Variants in UNC5D observed in about 807,000 individuals in gnomAD.
The protein encoded by UNC5D is unc-5 netrin receptor D, also known as netrin receptor UNC5D.
In UNC5D, 39 loss-of-function variants were observed where a neutral mutation model predicts 105.4. The observed-to-expected ratio is 0.37, with a 90% CI of 0.29 to 0.48. The LOEUF is 0.48. UNC5D is among the 20% of genes least tolerant of loss of function. The pLI is 0.98. For missense variants in UNC5D, 991 were observed against 1,202.4 expected, an observed-to-expected ratio of 0.82 and a Z score of 2.60; for synonymous variants, 452 against 450.4, an observed-to-expected ratio of 1.00 and a Z score of -0.04.
chr8:35,770,766 T>C lies in UNC5D; in HGVS notation c.2479-3533T>C, dbSNP rs74880945. The stretch of plus-strand genomic sequence containing the variant: ...AACAACTTGAAGGAATCTTGCATGT[T>C]ACAATTTTCCCTTCAAGCAGTTCTC... On this transcript the variant is annotated intron_variant, in intron 15 of 16. Transcript: ENST00000404895. 0.011 allele frequency among the ~76,000 whole-genome samples: 1,709 copies of C among 152,290 alleles called. 112 individuals carry two copies. In the East Asian group the frequency reaches 0.16, roughly 14 times the overall value.
intron 1 of UNC5D, among the ~76,000 whole-genome samples, chr8:35,501,717 A>G (rs1021745808): frequency 6.6e-6 from 1 of 152,054 alleles, no homozygotes; most frequent in African/African-American, 2.4e-5. Flanking sequence ...CAGTTACCCC[A>G]CTCTTACCAT....
intron 1 of UNC5D, among the ~76,000 whole-genome samples, chr8:35,265,654 A>G (rs1349303777): frequency 6.6e-6 from 1 of 152,082 alleles, no homozygotes; most frequent in East Asian, 1.9e-4. Context: ...GCGGATCACC[A>G]GGTCAGGAGA....
chr8:35,394,218 A>T (rs1225735849), intron 1 of UNC5D, among the ~76,000 whole-genome samples: 4 of 152,202 alleles, frequency 2.6e-5, no homozygotes, highest in Non-Finnish European at 2.9e-5. Flanking sequence ...AAAAATTAGA[A>T]ATAACCTAAA....
intron 8 of UNC5D, among the ~76,000 whole-genome samples, chr8:35,719,039 G>A (rs761022462): frequency 6.6e-6 from 1 of 152,068 alleles, no homozygotes; most frequent in Non-Finnish European, 1.5e-5. Context: ...ATTCTCCCAG[G>A]AATGAGGGGC....
chr8:35,422,658 T>C (rs1356849827), intron 1 of UNC5D, among the ~76,000 whole-genome samples: 2 of 152,182 alleles, frequency 1.3e-5, no homozygotes, highest in African/African-American at 4.8e-5. Context: ...ACATGAAAAT[T>C]TGGACATGGT....
chr8:35,346,749 G>C (rs950380691), intron 1 of UNC5D, among the ~76,000 whole-genome samples: 1 of 151,970 alleles, frequency 6.6e-6, no homozygotes, highest in Non-Finnish European at 1.5e-5. Context: ...GTAGATAGTA[G>C]TGTGTCACTA....
chr8:35,728,782 A>G (rs1376537360), intron 10 of UNC5D, among the ~76,000 whole-genome samples: 3 of 152,240 alleles, frequency 2.0e-5, no homozygotes, highest in African/African-American at 7.2e-5. Flanking sequence ...TTCCAAATAT[A>G]AAACAGGAAG....
At chr8:35,430,333 G>A (rs941164584) in intron 1 of UNC5D, among the ~76,000 whole-genome samples, 7 of 152,054 alleles carry the variant, frequency 4.6e-5, no homozygotes, top group African/African-American at 1.7e-4. Flanking sequence ...CACCCTGAGA[G>A]GGCATGGAAA....
At chr8:35,727,927 C>G (rs772057000) in intron 10 of UNC5D, 1 of 151,768 alleles carries the variant, frequency 6.6e-6, no homozygotes, top group East Asian at 1.9e-4. Context: ...CCCTAAAGAA[C>G]ACGACGTGTC....
intron 4 of UNC5D, among the ~76,000 whole-genome samples, chr8:35,670,125 TATTA>T (rs1373942687): frequency 6.6e-6 from 1 of 152,044 alleles, no homozygotes; most frequent in Non-Finnish European, 1.5e-5. Context: ...GAATATATGG[TATTA>T]TAAAAACAGG....
At chr8:35,247,431 T>C (rs1282739145) in intron 1 of UNC5D, among the ~76,000 whole-genome samples, 1 of 145,576 alleles carries the variant, frequency 6.9e-6, no homozygotes, top group African/African-American at 2.5e-5. Flanking sequence ...AATCTTAAGC[T>C]TTTGTTCCAG....
chr8:35,421,406 A>C (rs1025819805), intron 1 of UNC5D, among the ~76,000 whole-genome samples: 5 of 152,176 alleles, frequency 3.3e-5, no homozygotes, highest in African/African-American at 1.2e-4. Context: ...TGGGGAATAA[A>C]CATGATTTAT....
At chr8:35,271,362 C>T (rs112016934) in intron 1 of UNC5D, among the ~76,000 whole-genome samples, 12 of 127,052 alleles carry the variant, frequency 9.4e-5, no homozygotes, top group South Asian at 7.2e-4. Context: ...TGCATACACA[C>T]GTGCACGTGT....
At chr8:35,545,902 A>G (rs1028255504) in intron 1 of UNC5D, among the ~76,000 whole-genome samples, 3 of 151,300 alleles carry the variant, frequency 2.0e-5, no homozygotes, top group African/African-American at 7.3e-5. Flanking sequence ...TTCTTTATTT[A>G]TTTTTGAAAT....
chr8:35,276,913 G>T (rs1043017406), intron 1 of UNC5D, among the ~76,000 whole-genome samples: 10 of 152,132 alleles, frequency 6.6e-5, no homozygotes, highest in Non-Finnish European at 1.5e-4. Flanking sequence ...ACAAAATAAG[G>T]TTTATCACCC....
At chr8:35,507,921 T>A (rs1056316601) in intron 1 of UNC5D, among the ~76,000 whole-genome samples, 2 of 152,084 alleles carry the variant, frequency 1.3e-5, no homozygotes, top group East Asian at 1.9e-4. Flanking sequence ...ATTATTTTTT[T>A]AAAAAAATTA....
intron 1 of UNC5D, among the ~76,000 whole-genome samples, chr8:35,387,131 G>T (rs1449917240): frequency 4.0e-5 from 6 of 151,676 alleles, no homozygotes; most frequent in Non-Finnish European, 8.8e-5. Context: ...GAGGCCGAGG[G>T]GGGCAGATCA....
At chr8:35,512,958 G>C (rs1325498689) in intron 1 of UNC5D, among the ~76,000 whole-genome samples, 3 of 151,880 alleles carry the variant, frequency 2.0e-5, no homozygotes, top group Non-Finnish European at 4.4e-5. Context: ...TGGGATTACA[G>C]ATGTGAGCCA....
intron 1 of UNC5D, among the ~76,000 whole-genome samples, chr8:35,356,365 T>G (rs1375274456): frequency 6.6e-6 from 1 of 152,128 alleles, no homozygotes; most frequent in Non-Finnish European, 1.5e-5. Flanking sequence ...CATTCTACAA[T>G]CCCCGTTGGA....
Sources: gnomAD v4.1 joint callset for allele counts (sites outside exome capture counted in the v4.1 genomes callset) on GRCh38, gnomAD v4.1.1 for gene constraint, MANE v1.5 for transcripts, NCBI Gene and HGNC (gene_info 2026-07-23, HGNC 2026-07-21) for gene names.